Variants in CFAP299 observed in about 807,000 individuals in gnomAD.
The protein encoded by CFAP299 is cilia- and flagella-associated protein 299.
CFAP299 carries 21 observed loss-of-function variants against 27.0 expected under a neutral mutation model. That is an observed-to-expected ratio of 0.78 (90% CI 0.55 to 1.12). The LOEUF (loss-of-function observed/expected upper bound fraction) is 1.12, where lower values mean the gene tolerates loss of function less well. CFAP299 is among the 50% of genes most tolerant of loss of function. The probability of loss-of-function intolerance (pLI) is 0.00; values close to 1 mark genes in which losing one functional copy is unlikely to be tolerated. For synonymous variants in CFAP299, 104 were observed against 98.1 expected, an observed-to-expected ratio of 1.06 and a Z score of -0.36; for missense variants, 310 against 276.6, an observed-to-expected ratio of 1.12 and a Z score of -0.86.
chr4:80,613,601 G>A lies in CFAP299; in HGVS notation c.333+30418G>A, dbSNP rs1222809044. Among the ~76,000 whole-genome samples, 3 of 152,186 alleles carry A rather than the reference G, an allele frequency of 2.0e-5. No homozygotes were observed. In the East Asian group the frequency reaches 5.8e-4, roughly 29 times the overall value. On this transcript the variant is annotated intron_variant, in intron 3 of 5. Transcript: ENST00000358105. ...ACTTTTATGTTTTATTGCTATGCAT[G>A]CATACCACATAGCAGTGTTCTACAA...
intron 2 of CFAP299, among the ~76,000 whole-genome samples, chr4:80,371,355 A>G (rs922914194): frequency 2.0e-5 from 3 of 152,100 alleles, no homozygotes; most frequent in African/African-American, 7.2e-5. Flanking sequence ...TTTCCCCATT[A>G]TCTTGGCTAT....
At chr4:80,706,536 T>TA (rs1254466389) in intron 3 of CFAP299, among the ~76,000 whole-genome samples, 2 of 151,912 alleles carry the variant, frequency 1.3e-5, no homozygotes, top group African/African-American at 4.8e-5. Context: ...TAGTCATTGA[T>TA]ACATGAAATT....
intron 3 of CFAP299, among the ~76,000 whole-genome samples, chr4:80,608,596 A>G (rs1185841072): frequency 6.6e-6 from 1 of 152,156 alleles, no homozygotes; most frequent in Non-Finnish European, 1.5e-5. Flanking sequence ...TCATTTTGAA[A>G]AAAAGCGCAT....
Position 80,644,796 on chromosome 4 carries a change from C to G in CFAP299, c.333+61613C>G, listed in dbSNP as rs191856113. Among the ~76,000 whole-genome samples, 489 of 152,210 alleles carry G rather than the reference C, an allele frequency of 3.2e-3. 4 individuals are homozygous for G. The highest frequency in any genetic ancestry group is 0.011 in the African/African-American group (468 of 41,546). On this transcript the variant is annotated intron_variant, in intron 3 of 5. Coordinates refer to ENST00000358105, the MANE Select transcript of CFAP299 (RefSeq NM_152770.3). ...TGTGTGACTCCAAACCCACTGCCTGCCCTTACAAGGCAATATTCCTTAGGC... is the reference window on the plus strand; with the variant it reads ...TGTGTGACTCCAAACCCACTGCCTGGCCTTACAAGGCAATATTCCTTAGGC...
At chr4:80,884,236 A>C (rs1329286393) in intron 4 of CFAP299, among the ~76,000 whole-genome samples, 1 of 152,236 alleles carries the variant, frequency 6.6e-6, no homozygotes, top group Admixed American at 6.5e-5. Flanking sequence ...TCTCAAGTGC[A>C]CAAGAAATAT....
intron 2 of CFAP299, among the ~76,000 whole-genome samples, chr4:80,532,720 G>A (rs1242751261): frequency 6.6e-6 from 1 of 152,064 alleles, no homozygotes; most frequent in African/African-American, 2.4e-5. Context: ...CTGTTATTGT[G>A]GTTGTTATTA....
intron 2 of CFAP299, among the ~76,000 whole-genome samples, chr4:80,383,854 T>TG (rs1345384646): frequency 5.9e-5 from 9 of 152,242 alleles, no homozygotes; most frequent in Middle Eastern, 3.4e-3. Flanking sequence ...TCTGTTTTTT[T>TG]TTGTTGTTGT....
chr4:80,357,687 CCTGTTGTTT>C, intron 1 of CFAP299, among the ~76,000 whole-genome samples: 1 of 152,018 alleles, frequency 6.6e-6, no homozygotes, highest in South Asian at 2.1e-4. Flanking sequence ...GTTTTATCCC[CCTGTTGTTT>C]CTGATTGTGT....
At chr4:80,535,922 C>T (rs1733717953) in intron 2 of CFAP299, among the ~76,000 whole-genome samples, 1 of 152,120 alleles carries the variant, frequency 6.6e-6, no homozygotes, top group Admixed American at 6.5e-5. Flanking sequence ...AAAATACACT[C>T]TAATTGTAGC....
chr4:80,563,924 G>T (rs1375796764), intron 2 of CFAP299, among the ~76,000 whole-genome samples: 23 of 151,862 alleles, frequency 1.5e-4, no homozygotes, highest in Non-Finnish European at 3.4e-4. Context: ...GCAACTATGA[G>T]TTGGAAAATC....
chr4:80,746,255 T>C (rs188553081), intron 3 of CFAP299, among the ~76,000 whole-genome samples: 47 of 152,064 alleles, frequency 3.1e-4, no homozygotes, highest in African/African-American at 1.1e-3. Flanking sequence ...TTTAAAGAAA[T>C]GGAGCATGCT....
intron 3 of CFAP299, among the ~76,000 whole-genome samples, chr4:80,600,691 T>C (rs1435265647): frequency 6.6e-6 from 1 of 152,066 alleles, no homozygotes; most frequent in Non-Finnish European, 1.5e-5. Flanking sequence ...CAGTTTTTTG[T>C]TGTTGTTGTT....
intron 4 of CFAP299, among the ~76,000 whole-genome samples, chr4:80,895,746 G>C (rs1489080000): frequency 1.3e-5 from 2 of 151,986 alleles, no homozygotes; most frequent in Non-Finnish European, 2.9e-5. Context: ...GAGCTACTTA[G>C]CTCATCTGGG....
intron 5 of CFAP299, among the ~76,000 whole-genome samples, chr4:80,957,544 C>T (rs965831677): frequency 4.0e-5 from 6 of 151,766 alleles, no homozygotes; most frequent in African/African-American, 1.5e-4. Context: ...AGAGCAGAGA[C>T]ATAAAAAAGG....
At chr4:80,734,372 T>A (rs1478461617) in intron 3 of CFAP299, among the ~76,000 whole-genome samples, 1 of 152,122 alleles carries the variant, frequency 6.6e-6, no homozygotes, top group African/African-American at 2.4e-5. Context: ...ATTAATCACT[T>A]GTCAGATGGG....
intron 2 of CFAP299, among the ~76,000 whole-genome samples, chr4:80,546,052 C>T (rs768154887): frequency 1.7e-4 from 26 of 152,058 alleles, no homozygotes; most frequent in East Asian, 3.9e-4. Flanking sequence ...AAATTCATCC[C>T]TCAGTGAGAA....
At chr4:80,382,943 A>G (rs973772017) in intron 2 of CFAP299, among the ~76,000 whole-genome samples, 3 of 152,192 alleles carry the variant, frequency 2.0e-5, no homozygotes, top group Admixed American at 2.0e-4. Context: ...ATGCCCATCA[A>G]TGACAGACTG....
At chr4:80,480,593 C>G (rs1390255) in intron 2 of CFAP299, among the ~76,000 whole-genome samples, 62,496 of 151,686 alleles carry the variant, frequency 0.41, 14,740 homozygotes, top group African/African-American at 0.65. Context: ...AATTTAAGCA[C>G]GGTTAAGCTT....
chr4:80,448,782 A>T lies in CFAP299; in HGVS notation c.242+85898A>T, dbSNP rs1728759919. Among the ~76,000 whole-genome samples the T allele has an allele frequency of 2.0e-5, 3 of 152,160 alleles. No individual in the cohort carries two copies. In the South Asian group the frequency reaches 6.2e-4, roughly 31 times the overall value. Reference sequence around the variant, plus strand: ...TTTTCAGCTTCAAGTAATTCTTAGGATTCAAATTGCAGGGTTTTAGAAAAA... The same window carrying T: ...TTTTCAGCTTCAAGTAATTCTTAGGTTTCAAATTGCAGGGTTTTAGAAAAA... On this transcript the variant is annotated intron_variant, in intron 2 of 5. Transcript: ENST00000358105.
Sources: allele counts gnomAD v4.1 joint callset (sites outside exome capture counted in the v4.1 genomes callset), GRCh38; gene constraint gnomAD v4.1.1; transcripts MANE v1.5; gene names NCBI Gene and HGNC (gene_info 2026-07-23, HGNC 2026-07-21).